Variants in NBAS observed in about 807,000 individuals in gnomAD.
NBAS encodes NBAS subunit of NRZ tethering complex.
Under a neutral mutation model 302.5 loss-of-function variants are expected in NBAS, and 219 were observed. That is an observed-to-expected ratio of 0.72 (90% CI 0.65 to 0.81). NBAS has a LOEUF of 0.81. Among genes scored for constraint, NBAS ranks in the 30% least tolerant of loss-of-function variants. The probability of loss-of-function intolerance (pLI) is 0.00; values close to 1 mark genes in which losing one functional copy is unlikely to be tolerated. For missense variants in NBAS, 2,932 were observed against 2,841.6 expected (o/e 1.03, Z -0.72); for synonymous variants, 1,118 against 1,021.6 (o/e 1.09, Z -1.80).
chr2:15,510,232 T>C (rs920086358), intron 10 of NBAS, among the ~76,000 whole-genome samples: 3 of 152,230 alleles, frequency 2.0e-5, no homozygotes, highest in African/African-American at 7.2e-5. Context: ...ATAATTAGTA[T>C]TTACCAATAC....
chr2:15,242,161 A>C (rs191890014), intron 44 of NBAS, among the ~76,000 whole-genome samples: 2 of 152,324 alleles, frequency 1.3e-5, no homozygotes, highest in Non-Finnish European at 2.9e-5. Flanking sequence ...CTCACACTGA[A>C]GTCTATGCTT....
At chr2:15,128,356 T>A in the NBAS span, among the ~76,000 whole-genome samples, 1 of 152,196 alleles carries the variant, frequency 6.6e-6, no homozygotes, top group Non-Finnish European at 1.5e-5. Flanking sequence ...CCATAATACC[T>A]TTCCAAGATC....
chr2:15,301,923 T>G (rs1670815296), intron 40 of NBAS, among the ~76,000 whole-genome samples: 1 of 152,190 alleles, frequency 6.6e-6, no homozygotes, highest in Admixed American at 6.5e-5. Context: ...CAGAGCATGC[T>G]GGGGCAACGG....
In NBAS at chr2:15,374,643, A is replaced by G. The variant is rs1323085057; in HGVS notation, c.3668T>C (p.Leu1223Pro). The G allele has an allele frequency of 1.9e-6, 3 of 1,613,886 alleles. No homozygotes were observed. In the African/African-American group the frequency reaches 4.0e-5, roughly 22 times the overall value. ...CAGGATCTTTACCCCAAATTCTTCA[A>G]GACATCCAACGGCTTGGATAAGATC... ...ELDLIQAVGC[L>P]EEFGVKILPL... The change falls in exon 31 of 52, where the codon CTT becomes CCT. Residue 1223 changes from leucine (L) to proline (P), a missense_variant. Physicochemically the swap from Leu to Pro is moderately conservative, Grantham distance 98. Transcript: ENST00000281513.
chr2:15,365,796 G>A (rs982780519), intron 32 of NBAS, among the ~76,000 whole-genome samples: 1 of 152,046 alleles, frequency 6.6e-6, no homozygotes, highest in African/African-American at 2.4e-5. Flanking sequence ...ATATGGCTTA[G>A]ATGAATACAA....
chr2:14,812,750 G>GC, the NBAS span, among the ~76,000 whole-genome samples: 3 of 152,096 alleles, frequency 2.0e-5, no homozygotes, highest in African/African-American at 7.2e-5. Context: ...AAAAGATAAA[G>GC]CCCCAGTTTG....
At chr2:15,011,959 C>T in the NBAS span, among the ~76,000 whole-genome samples, 1 of 152,122 alleles carries the variant, frequency 6.6e-6, no homozygotes, top group Non-Finnish European at 1.5e-5. Flanking sequence ...TTGGAAGAGG[C>T]AACTGTTCCA....
chr2:15,080,923 C>T, the NBAS span, among the ~76,000 whole-genome samples: 1 of 152,166 alleles, frequency 6.6e-6, no homozygotes, highest in Non-Finnish European at 1.5e-5. Flanking sequence ...GGTCACAAAG[C>T]CCACCCTTAT....
chr2:15,522,216 T>C (rs1011424873), intron 9 of NBAS, among the ~76,000 whole-genome samples: 12 of 152,096 alleles, frequency 7.9e-5, no homozygotes, highest in Admixed American at 3.3e-4. Flanking sequence ...GGAAACAACT[T>C]GATAAGTAAA....
chr2:14,918,892 T>C, the NBAS span, among the ~76,000 whole-genome samples: 3 of 151,630 alleles, frequency 2.0e-5, no homozygotes, highest in African/African-American at 7.3e-5. Context: ...TGGTGATTGA[T>C]GGGAAGTTGT....
At chr2:15,247,573 T>G (rs1465082816) in intron 44 of NBAS, among the ~76,000 whole-genome samples, 1 of 151,776 alleles carries the variant, frequency 6.6e-6, no homozygotes, top group African/African-American at 2.4e-5. Context: ...TCCTAGTCTC[T>G]GATACAACAG....
rs1214689098 is a variant in NBAS, at chr2:15,461,334, T to C, written c.2206A>G (p.Ser736Gly). 1.9e-6 allele frequency: 3 copies of C among 1,611,730 alleles called. No homozygotes were observed. The highest frequency in any genetic ancestry group is 2.2e-5 in the East Asian group (1 of 44,844). Residue 736 changes from serine (S) to glycine (G), a missense_variant, in exon 21 of 52, where the codon AGT (serine) becomes GGT (glycine). By Grantham distance (56) the Ser-to-Gly change is moderately conservative. Coordinates refer to ENST00000281513, the MANE Select transcript of NBAS (RefSeq NM_015909.4). Reference sequence around the variant, plus strand: ...AGAATTTCCAGGGCTTGTACATTACTTTCCTGTACAAAAGGCAAGGGGTAA... The same window carrying C: ...AGAATTTCCAGGGCTTGTACATTACCTTCCTGTACAAAAGGCAAGGGGTAA... ...VLSARTYAQESNVQALEILFT... is the reference protein window; with the variant it reads ...VLSARTYAQEGNVQALEILFT...
chr2:14,967,283 A>G, the NBAS span, among the ~76,000 whole-genome samples: 263 of 152,242 alleles, frequency 1.7e-3, no homozygotes, highest in African/African-American at 6.2e-3. Flanking sequence ...TTTTTTTTAT[A>G]GAAAGCCAGT....
chr2:15,439,930 G>A (rs935340866), intron 21 of NBAS, among the ~76,000 whole-genome samples: 10 of 152,246 alleles, frequency 6.6e-5, no homozygotes, highest in Admixed American at 1.3e-4. Flanking sequence ...AGATCAAACC[G>A]CAAGGCGGCA....
chr2:14,843,503 T>G, the NBAS span, among the ~76,000 whole-genome samples: 2 of 151,458 alleles, frequency 1.3e-5, no homozygotes, highest in Non-Finnish European at 2.9e-5. Context: ...AATATGAGGC[T>G]CCACTGATCA....
At chr2:14,799,565 A>G in the NBAS span, among the ~76,000 whole-genome samples, 1 of 152,164 alleles carries the variant, frequency 6.6e-6, no homozygotes, top group Non-Finnish European at 1.5e-5. Context: ...CTAAAATACC[A>G]GTAGTTCATG....
At chr2:15,138,781 G>A in the NBAS span, among the ~76,000 whole-genome samples, 1 of 152,188 alleles carries the variant, frequency 6.6e-6, no homozygotes, top group East Asian at 1.9e-4. Context: ...TTGTGCAGTG[G>A]CTGAACTGGA....
the NBAS span, among the ~76,000 whole-genome samples, chr2:14,953,739 G>A: frequency 6.6e-6 from 1 of 152,230 alleles, no homozygotes; most frequent in Admixed American, 6.5e-5. Context: ...AGTAGCACTG[G>A]AGTGACTCCC....
intron 38 of NBAS, among the ~76,000 whole-genome samples, chr2:15,314,338 G>A (rs1359801838): frequency 3.3e-5 from 5 of 152,124 alleles, no homozygotes; most frequent in Non-Finnish European, 7.4e-5. Context: ...TCCAGCCTGG[G>A]CAACAGAGAG....
Sources: gnomAD v4.1 joint callset for allele counts (sites outside exome capture counted in the v4.1 genomes callset) on GRCh38, gnomAD v4.1.1 for gene constraint, MANE v1.5 for transcripts, NCBI Gene and HGNC (gene_info 2026-07-23, HGNC 2026-07-21) for gene names.